CR1: variants seen among roughly 807,000 people sequenced by gnomAD.
The protein encoded by CR1 is complement receptor type 1.
CR1 carries 116 observed loss-of-function variants against 187.3 expected under a neutral mutation model. The observed-to-expected ratio is 0.62, with a 90% CI of 0.53 to 0.72. The LOEUF (loss-of-function observed/expected upper bound fraction) is 0.72, where lower values mean the gene tolerates loss of function less well. Ranked by LOEUF, CR1 falls within the 30% of genes least tolerant of loss-of-function variation. The pLI is 0.00. For missense variants in CR1, 1,731 were observed against 2,110.7 expected (o/e 0.82, Z 3.52); for synonymous variants, 576 against 747.1 (o/e 0.77, Z 3.73).
Position 207,609,623 on chromosome 1 carries a change from G to A in CR1, c.6230G>A (p.Gly2077Glu), listed in dbSNP as rs914840013. The A allele has an allele frequency of 3.1e-6, 5 of 1,611,046 alleles. No individual in the cohort carries two copies. In the South Asian group the frequency reaches 5.5e-5, roughly 18 times the overall value. The change falls in exon 37 of 47, where the codon GGG (glycine) becomes GAG (glutamate). Residue 2077 changes from glycine to glutamate, a missense_variant. Around this residue, in one of 5 missense-constraint regions of CR1, gnomAD observed 1,312 missense variants for 1,379.6 expected, o/e 0.95. Transcript: ENST00000367049. ...TGTCAGCCCGGGTTTGTCATGGTAG[G>A]GTCCCACACTGTGCAGTGCCAGACC... ...FRCQPGFVMV[G>E]SHTVQCQTNG...
At chr1:207,592,981 G>C (rs1341172433) in intron 35 of CR1, among the ~76,000 whole-genome samples, 1 of 147,896 alleles carries the variant, frequency 6.8e-6, no homozygotes, top group African/African-American at 2.5e-5. Flanking sequence ...CACGATTGTG[G>C]ATAGGAAGAA....
intron 5 of CR1, among the ~76,000 whole-genome samples, chr1:207,524,964 G>A (rs1276517225): frequency 4.6e-5 from 7 of 152,162 alleles, no homozygotes; most frequent in East Asian, 1.9e-4. Context: ...AGTTCTGTAG[G>A]CTGTACAGGA....
intron 24 of CR1, among the ~76,000 whole-genome samples, chr1:207,567,201 G>C (rs1278165182): frequency 6.7e-6 from 1 of 148,648 alleles, no homozygotes; most frequent in Admixed American, 6.6e-5. Context: ...AGAGTAAAAA[G>C]AGAAAATAAA....
At chr1:207,499,343 A>T (rs1443426749) in intron 1 of CR1, among the ~76,000 whole-genome samples, 5 of 152,212 alleles carry the variant, frequency 3.3e-5, no homozygotes, top group African/African-American at 7.2e-5. Context: ...TGATGGAGAG[A>T]CAAAATACGT....
At chr1:207,637,511 G>A (rs944645872) in intron 46 of CR1, among the ~76,000 whole-genome samples, 1 of 152,174 alleles carries the variant, frequency 6.6e-6, no homozygotes, top group Non-Finnish European at 1.5e-5. Flanking sequence ...TTTACCCGTG[G>A]CCTGAGTGAC....
In CR1 at chr1:207,584,843, C is replaced by A; in HGVS notation, c.5497C>A (p.Pro1833Thr). ...DPHGNGVWSS[P>T]APRCELSVRA... ...TCATGGGAATGGGGTTTGGAGCAGC[C>A]CTGCCCCTCGCTGTGAACTTTCTGT... Residue 1833 changes from proline to threonine, a missense_variant, in exon 33 of 47, where the codon CCT becomes ACT. Transcript: ENST00000367049. The A allele has an allele frequency of 6.2e-7, 1 of 1,613,902 alleles. No individual in the cohort carries two copies. Among genetic ancestry groups the A allele is most frequent in the East Asian group, 2.2e-5 (1 of 44,882 alleles).
intron 35 of CR1, among the ~76,000 whole-genome samples, chr1:207,589,492 C>T (rs920134543): frequency 2.6e-5 from 4 of 152,150 alleles, no homozygotes; most frequent in Non-Finnish European, 5.9e-5. Context: ...GATAAATCCA[C>T]GAAGATGAGG....
At chr1:207,518,160 C>T (rs1372879527) in intron 4 of CR1, among the ~76,000 whole-genome samples, 1 of 152,042 alleles carries the variant, frequency 6.6e-6, no homozygotes, top group African/African-American at 2.4e-5. Context: ...TATCATTGTA[C>T]ATAAAAGCTT....
In CR1 at chr1:207,564,345, C is replaced by T. The variant is rs1489249935; in HGVS notation, c.3866+111C>T. 1.9e-5 allele frequency: 29 copies of T among 1,496,558 alleles called. 3 individuals carry two copies. In the East Asian group the frequency reaches 4.6e-4, roughly 24 times the overall value. The allele number at this position is 1,496,558 out of a possible 1,614,324, so 92.7% of individuals were successfully genotyped here. On this transcript the variant is annotated intron_variant, in intron 23 of 46. Transcript: ENST00000367049. Reference sequence around the variant, plus strand: ...AGAAAGACACACACACACACACACACCTTCAGAGAGATGAACTTTCGAAAG... The same window carrying T: ...AGAAAGACACACACACACACACACATCTTCAGAGAGATGAACTTTCGAAAG...
At chr1:207,609,203 G>T in intron 36 of CR1, 87 bp from the exon 37 acceptor site, 1 of 1,222,794 alleles carries the variant, frequency 8.2e-7, no homozygotes, top group Non-Finnish European at 1.1e-6. Context: ...AAAATCATTG[G>T]ATTATTTGCA....
chr1:207,582,229 A>T (rs1660979939), intron 32 of CR1, among the ~76,000 whole-genome samples: 1 of 152,212 alleles, frequency 6.6e-6, no homozygotes, highest in Admixed American at 6.5e-5. Context: ...CTGTGCTATA[A>T]ATAGAGAGAA....
intron 5 of CR1, among the ~76,000 whole-genome samples, chr1:207,524,264 G>C (rs1660096738): frequency 6.6e-6 from 1 of 152,102 alleles, no homozygotes; most frequent in African/African-American, 2.4e-5. Flanking sequence ...TTACCTTTGA[G>C]TATAATAATG....
In CR1 at chr1:207,587,568, G is replaced by T; in HGVS notation, c.5710+3G>T. 1 of 1,611,632 alleles carries T rather than the reference G, an allele frequency of 6.2e-7. No homozygotes were observed. The highest frequency in any genetic ancestry group is 8.5e-7 in the Non-Finnish European group (1 of 1,178,636). The stretch of plus-strand genomic sequence containing the variant: ...AAGTGTTGAAGACAACTGTAGACGT[G>T]AGTAACCCCTCCCTGGGAACTACTT... On this transcript the variant is annotated splice_donor_region_variant and intron_variant, in intron 34 of 46. Transcript: ENST00000367049.
intron 4 of CR1, 64 bp from the exon 5 acceptor site, chr1:207,523,547 C>T (rs1328974055): frequency 1.9e-6 from 3 of 1,601,182 alleles, no homozygotes; most frequent in African/African-American, 2.7e-5. Context: ...TTTAGTGACT[C>T]ATGAGATTTC....
At chr1:207,505,681 G>A (rs1188291718) in intron 1 of CR1, among the ~76,000 whole-genome samples, 4 of 151,688 alleles carry the variant, frequency 2.6e-5, no homozygotes, top group Admixed American at 1.3e-4. Context: ...CTAAAAATAC[G>A]AAAATTAGCC....
At chr1:207,633,574 A>G (rs1468400684) in intron 46 of CR1, among the ~76,000 whole-genome samples, 1 of 152,162 alleles carries the variant, frequency 6.6e-6, no homozygotes, top group Non-Finnish European at 1.5e-5. Flanking sequence ...TATTCTTCAA[A>G]CATTCTTAGC....
intron 39 of CR1, among the ~76,000 whole-genome samples, chr1:207,612,806 C>T (rs919237507): frequency 9.2e-5 from 14 of 152,256 alleles, no homozygotes; most frequent in African/African-American, 2.7e-4. Flanking sequence ...GCAGTGCTGG[C>T]GGCTGGACCA....
rs935581253 is a variant in CR1, at chr1:207,544,832, T to C, written c.2237-476T>C. Among the ~76,000 whole-genome samples, 98 of 123,388 alleles carry C rather than the reference T, an allele frequency of 7.9e-4. 1 individual carries two copies. Among genetic ancestry groups the C allele is most frequent in the Non-Finnish European group, 1.3e-3 (81 of 60,172 alleles). 80.9% of individuals were successfully genotyped at this position (123,388 alleles called of 152,430 possible). On this transcript the variant is annotated intron_variant, in intron 13 of 46. Transcript: ENST00000367049. ...TTGAAAGGAGATGAGCATAGATGTATGGACGCTCTTTGTTGCACCAGTGTG... is the reference window on the plus strand; with the variant it reads ...TTGAAAGGAGATGAGCATAGATGTACGGACGCTCTTTGTTGCACCAGTGTG...
At chr1:207,599,248 A>G (rs1046380496) in intron 35 of CR1, among the ~76,000 whole-genome samples, 9 of 152,240 alleles carry the variant, frequency 5.9e-5, no homozygotes, top group African/African-American at 2.2e-4. Flanking sequence ...ATAAATATTT[A>G]AGCAAAAAAG....
Sources: allele counts gnomAD v4.1 joint callset (sites outside exome capture counted in the v4.1 genomes callset), GRCh38; gene constraint gnomAD v4.1.1; regional missense constraint gnomAD v4.1.1; transcripts MANE v1.5; gene names NCBI Gene and HGNC (gene_info 2026-07-23, HGNC 2026-07-21).